Variants in WASF3 observed in about 807,000 individuals in gnomAD.
The protein encoded by WASF3 is WASP family member 3.
A neutral mutation model predicts 46.6 loss-of-function variants in WASF3; 11 were observed. The observed-to-expected ratio is 0.24, with a 90% confidence interval of 0.15 to 0.39. The LOEUF (loss-of-function observed/expected upper bound fraction) is 0.39, where lower values mean the gene tolerates loss of function less well. WASF3 is among the 10% of genes least tolerant of loss of function. The pLI is 1.00. For missense variants in WASF3, 576 were observed against 669.8 expected, an observed-to-expected ratio of 0.86 and a Z score of 1.55; for synonymous variants, 242 against 259.7, an observed-to-expected ratio of 0.93 and a Z score of 0.65.
chr13:26,555,055 G>GT (rs1449394140), upstream of WASF3, among the ~76,000 whole-genome samples: 1 of 152,124 alleles, frequency 6.6e-6, no homozygotes, highest in African/African-American at 2.4e-5. Flanking sequence ...GTATCCTTAG[G>GT]TTTTTTGTTG....
intron 6 of WASF3, among the ~76,000 whole-genome samples, chr13:26,673,166 G>C (rs56205332): frequency 1.3e-5 from 2 of 152,038 alleles, no homozygotes; most frequent in African/African-American, 2.4e-5. Context: ...CCTTTAAAAT[G>C]TGCCTGTTTT....
chr13:26,621,089 C>T (rs1451468888), intron 2 of WASF3, among the ~76,000 whole-genome samples: 1 of 152,120 alleles, frequency 6.6e-6, no homozygotes, highest in African/African-American at 2.4e-5. Context: ...GCTGGGGGGT[C>T]TGTGATGCCG....
chr13:26,564,367 G>T (rs1365994978), intron 1 of WASF3, among the ~76,000 whole-genome samples: 3 of 152,224 alleles, frequency 2.0e-5, no homozygotes, highest in African/African-American at 7.2e-5. Context: ...TTTAGGTTTT[G>T]CACTTATTTC....
At chr13:26,615,435 A>G (rs1243123163) in intron 2 of WASF3, among the ~76,000 whole-genome samples, 1 of 151,916 alleles carries the variant, frequency 6.6e-6, no homozygotes, top group Non-Finnish European at 1.5e-5. Context: ...CAGCCTCCCG[A>G]GTAGCTGGGG....
intron 3 of WASF3, among the ~76,000 whole-genome samples, chr13:26,649,192 G>A (rs61945621): frequency 0.15 from 23,333 of 152,088 alleles, 2,377 homozygotes; most frequent in South Asian, 0.26. Flanking sequence ...AAAAGATGCC[G>A]TTTTATGGGA....
In WASF3 at chr13:26,617,893, T is replaced by A. The variant is rs185618865; in HGVS notation, c.-11+4835T>A. ...TCATGAGATCTGATGATTTTTTAAG[T>A]GTTTGGTAGTTCCTCCTGCATTCAT... On this transcript the variant is annotated intron_variant, in intron 2 of 9. Transcript: ENST00000335327. Among the ~76,000 whole-genome samples the A allele has an allele frequency of 8.0e-4, 122 of 152,230 alleles. 1 individual carries two copies. The highest frequency in any genetic ancestry group is 2.8e-3 in the African/African-American group (118 of 41,540).
chr13:26,598,145 AATG>A (rs1052851501), intron 1 of WASF3, among the ~76,000 whole-genome samples: 26 of 152,268 alleles, frequency 1.7e-4, no homozygotes, highest in African/African-American at 6.3e-4. Context: ...CTGTCTTTCT[AATG>A]ATCGCCATTC....
At chr13:26,622,139 A>G (rs1255208289) in intron 2 of WASF3, among the ~76,000 whole-genome samples, 1 of 152,186 alleles carries the variant, frequency 6.6e-6, no homozygotes, top group Non-Finnish European at 1.5e-5. Flanking sequence ...TTTTAGTGCT[A>G]TCATGCACTG....
intron 1 of WASF3, among the ~76,000 whole-genome samples, chr13:26,604,386 C>T (rs1880730942): frequency 6.6e-6 from 1 of 152,124 alleles, no homozygotes; most frequent in African/African-American, 2.4e-5. Context: ...GTACTCTTTG[C>T]AATCAAAGCT....
chr13:26,551,350 C>T, the WASF3 span, among the ~76,000 whole-genome samples: 13 of 152,114 alleles, frequency 8.5e-5, no homozygotes, highest in Admixed American at 7.9e-4. Context: ...GCCTGTTCTC[C>T]GCATGCTCAC....
intron 1 of WASF3, among the ~76,000 whole-genome samples, chr13:26,585,203 C>T (rs1200236901): frequency 6.6e-6 from 1 of 150,710 alleles, no homozygotes; most frequent in African/African-American, 2.4e-5. Flanking sequence ...TGGAGAAATA[C>T]CAGCTATGGA....
chr13:26,654,143 G>A lies in WASF3; in HGVS notation c.134-10885G>A, dbSNP rs140215849. Among the ~76,000 whole-genome samples, 202 of 151,842 alleles carry A rather than the reference G, an allele frequency of 1.3e-3. 2 individuals are homozygous for A. The highest frequency in any genetic ancestry group is 4.6e-3 in the African/African-American group (190 of 41,396). On this transcript the variant is annotated intron_variant, in intron 3 of 9. Coordinates refer to ENST00000335327, the MANE Select transcript of WASF3 (RefSeq NM_006646.6). Reference sequence around the variant, plus strand: ...GTTGGATTTCCAGTCACTCCCCACCGACCCCCGCCCCAACACAAAGGGAAG... The same window carrying A: ...GTTGGATTTCCAGTCACTCCCCACCAACCCCCGCCCCAACACAAAGGGAAG...
chr13:26,565,035 T>C (rs560580143), intron 1 of WASF3, among the ~76,000 whole-genome samples: 2 of 150,764 alleles, frequency 1.3e-5, no homozygotes, highest in Non-Finnish European at 2.9e-5. Flanking sequence ...TTAGAATTAA[T>C]GTTTGGTAGA....
At chr13:26,557,299 G>A (rs1879119441), upstream of WASF3, among the ~76,000 whole-genome samples, 1 of 152,202 alleles carries the variant, frequency 6.6e-6, no homozygotes, top group Non-Finnish European at 1.5e-5. Context: ...ACAGGTAGAG[G>A]ACCTCTGTGC....
chr13:26,583,081 A>G (rs1207245998), intron 1 of WASF3, among the ~76,000 whole-genome samples: 1 of 152,236 alleles, frequency 6.6e-6, no homozygotes, highest in Non-Finnish European at 1.5e-5. Context: ...AAAGATAGCA[A>G]TAGCCATGGT....
chr13:26,584,996 TAGTG>T (rs1245306920), intron 1 of WASF3, among the ~76,000 whole-genome samples: 2 of 151,724 alleles, frequency 1.3e-5, no homozygotes, highest in East Asian at 3.9e-4. Context: ...GGAAGGAAAA[TAGTG>T]AGGTGGCAGA....
chr13:26,616,027 A>G (rs1303647932), intron 2 of WASF3, among the ~76,000 whole-genome samples: 1 of 152,196 alleles, frequency 6.6e-6, no homozygotes, highest in Non-Finnish European at 1.5e-5. Flanking sequence ...GCTAATGGAC[A>G]CTTGGATTGT....
At chr13:26,553,954 T>C (rs1017063448), upstream of WASF3, among the ~76,000 whole-genome samples, 1 of 152,074 alleles carries the variant, frequency 6.6e-6, no homozygotes, top group Non-Finnish European at 1.5e-5. Flanking sequence ...AATTTTAATA[T>C]AAAAAGTCAG....
intron 1 of WASF3, among the ~76,000 whole-genome samples, chr13:26,562,000 T>A (rs1879309655): frequency 6.6e-6 from 1 of 152,216 alleles, no homozygotes; most frequent in South Asian, 2.1e-4. Context: ...TTTTTTCAAG[T>A]TGGTACCAAG....
Sources: allele counts gnomAD v4.1 joint callset (sites outside exome capture counted in the v4.1 genomes callset), GRCh38; gene constraint gnomAD v4.1.1; transcripts MANE v1.5; gene names NCBI Gene and HGNC (gene_info 2026-07-23, HGNC 2026-07-21).